BEND3: variants seen among roughly 807,000 people sequenced by gnomAD.
BEND3 encodes BEN domain containing 3.
A neutral mutation model predicts 60.1 loss-of-function variants in BEND3; 13 were observed. The observed-to-expected ratio is 0.22, with a 90% CI of 0.14 to 0.34. The LOEUF is 0.34. Among genes scored for constraint, BEND3 ranks in the 10% least tolerant of loss-of-function variants. BEND3 has a pLI of 1.00. For synonymous variants in BEND3, 497 were observed against 491.5 expected, an observed-to-expected ratio of 1.01 and a Z score of -0.15; for missense variants, 896 against 1,138.1, an observed-to-expected ratio of 0.79 and a Z score of 3.06.
chr6:107,086,379 G>A (rs980051003), intron 3 of BEND3, among the ~76,000 whole-genome samples: 7 of 152,116 alleles, frequency 4.6e-5, no homozygotes, highest in Admixed American at 6.5e-5. Context: ...CACCCCAGGA[G>A]GCCGAGGTGG....
At chr6:107,102,440 G>A (rs1554236856) in intron 1 of BEND3, among the ~76,000 whole-genome samples, 2 of 152,224 alleles carry the variant, frequency 1.3e-5, no homozygotes, top group Admixed American at 1.3e-4. Flanking sequence ...AAGTGATGAA[G>A]GAAGAGCACA....
chr6:107,073,459 A>G (rs948116256), intron 3 of BEND3, among the ~76,000 whole-genome samples: 1 of 151,456 alleles, frequency 6.6e-6, no homozygotes, highest in African/African-American at 2.4e-5. Context: ...AAACTGCATG[A>G]TGGTTGTGCG....
chr6:107,102,295 TG>T (rs1775718735), intron 1 of BEND3, among the ~76,000 whole-genome samples: 1 of 152,192 alleles, frequency 6.6e-6, no homozygotes, highest in African/African-American at 2.4e-5. Flanking sequence ...GAATGTGGCT[TG>T]GTGAGCAGAA....
At position 107,068,502 on chromosome 6, in the gene BEND3, G is replaced by C. The variant is rs570060849; in HGVS notation, c.*202C>G. 6 of 613,098 alleles carry C rather than the reference G, an allele frequency of 9.8e-6. No homozygotes were observed. The African/African-American group carries it at 1.1e-4, about 11-fold the overall frequency. 38.0% of individuals were successfully genotyped at this position (613,098 alleles called of 1,614,324 possible). ...CGCCGGGGCACATAGGACAGAAGTT[G>C]TAAGTACAAGAGACCAAACTCAAGG... On this transcript the variant is annotated 3_prime_UTR_variant, in exon 4 of 4. Coordinates refer to ENST00000369042, the MANE Select transcript of BEND3 (RefSeq NM_001367314.1). The surrounding 1 kb of genome is among the most constrained non-coding windows in gnomAD (Gnocchi z 5.8).
At chr6:107,109,442 CA>C (rs55745315) in intron 1 of BEND3, among the ~76,000 whole-genome samples, 13 of 48,712 alleles carry the variant, frequency 2.7e-4, no homozygotes, top group East Asian at 8.3e-4. Context: ...GACTCTGTCT[CA>C]AAAAAAAAAA....
chr6:107,091,581 G>C (rs1002469442), intron 3 of BEND3, among the ~76,000 whole-genome samples: 1 of 152,108 alleles, frequency 6.6e-6, no homozygotes, highest in Non-Finnish European at 1.5e-5. Context: ...TTCCTTAAAA[G>C]ACACAATCTT....
At chr6:107,090,184 A>G (rs1241105595) in intron 3 of BEND3, among the ~76,000 whole-genome samples, 4 of 152,060 alleles carry the variant, frequency 2.6e-5, no homozygotes, top group Non-Finnish European at 4.4e-5. Context: ...CCCTGTCTCT[A>G]CTAAAAATAC....
At chr6:107,086,485 T>G (rs1029964621) in intron 3 of BEND3, among the ~76,000 whole-genome samples, 2 of 151,158 alleles carry the variant, frequency 1.3e-5, no homozygotes, top group African/African-American at 4.9e-5. Context: ...CATGGTGGCG[T>G]GCGCCTGTAG....
chr6:107,088,124 C>G (rs1554234585), intron 3 of BEND3, among the ~76,000 whole-genome samples: 1 of 151,904 alleles, frequency 6.6e-6, no homozygotes, highest in Non-Finnish European at 1.5e-5. Flanking sequence ...AATCCTCCTG[C>G]CTCAGCCTCC....
Position 107,069,120 on chromosome 6 carries a change from G to A in BEND3, c.2071C>T (p.Pro691Ser), listed in dbSNP as rs782546683. The change falls in exon 4 of 4, where the codon CCC (proline) becomes TCC (serine). Residue 691 changes from proline (P) to serine (S), a missense_variant. Transcript: ENST00000369042. ...CAAAAGTCCTTGCTGCTCCTCTCGG[G>A]GGGCAGTGGGGGCCCCTCAAACTCC... ...REEFEGPPLP[P>S]ERSSKDFCKI... is the part of the protein sequence containing the mutation. The A allele has an allele frequency of 3.1e-6, 5 of 1,612,790 alleles. No individual in the cohort carries two copies. The South Asian group carries it at 5.5e-5, about 18-fold the overall frequency.
intron 1 of BEND3, among the ~76,000 whole-genome samples, chr6:107,112,159 T>A (rs1338391548): frequency 1.3e-5 from 2 of 152,202 alleles, no homozygotes; most frequent in African/African-American, 4.8e-5. Context: ...ATACAATTCA[T>A]ATAAACATGC....
In BEND3 at chr6:107,070,403, C is replaced by G. The variant is rs781852720; in HGVS notation, c.788G>C (p.Gly263Ala). The G allele has an allele frequency of 4.3e-5, 69 of 1,613,812 alleles. No individual in the cohort carries two copies. Among genetic ancestry groups the G allele is most frequent in the Admixed American group, 1.2e-4 (7 of 60,008 alleles). ...CAGCAAGCGGCAGGCCAGGTCCCCC[C>G]CTGACAGGCTCTGGTCCACGATCTG... ...LKQIVDQSLS[G>A]GDLACRLLVQ... is the part of the protein sequence containing the mutation. The change falls in exon 4 of 4, where the codon GGG (glycine) becomes GCG (alanine). Residue 263 changes from glycine (G) to alanine (A), a missense_variant. Gly to Ala is a moderately conservative substitution (Grantham distance 60). Around this residue, in one of 4 missense-constraint regions of BEND3, gnomAD observed 846 missense variants for 1,036.7 expected, o/e 0.82. Transcript: ENST00000369042. The surrounding 1 kb of genome is among the most constrained non-coding windows in gnomAD (Gnocchi z 6.9).
chr6:107,104,278 A>G (rs1775767577), intron 1 of BEND3, among the ~76,000 whole-genome samples: 1 of 132,578 alleles, frequency 7.5e-6, no homozygotes, highest in Non-Finnish European at 1.6e-5. Flanking sequence ...CGACAGAGCG[A>G]GACTCCGTCT....
chr6:107,078,047 T>C (rs1178617423), intron 3 of BEND3, among the ~76,000 whole-genome samples: 2 of 152,222 alleles, frequency 1.3e-5, no homozygotes, highest in African/African-American at 2.4e-5. Context: ...ACTTTGGCTA[T>C]GCACCTCCCA....
At chr6:107,101,359 G>C (rs1775698488) in intron 1 of BEND3, among the ~76,000 whole-genome samples, 1 of 152,154 alleles carries the variant, frequency 6.6e-6, no homozygotes, top group Admixed American at 6.6e-5. Context: ...GTGTGTCTGG[G>C]TGATCCATGA....
At chr6:107,085,781 G>A (rs375379463) in intron 3 of BEND3, among the ~76,000 whole-genome samples, 15 of 135,988 alleles carry the variant, frequency 1.1e-4, no homozygotes, top group African/African-American at 3.7e-4. Context: ...GTGAGCCACC[G>A]CACCTGGCCT....
At chr6:107,087,285 C>T (rs311219) in intron 3 of BEND3, among the ~76,000 whole-genome samples, 1 of 151,506 alleles carries the variant, frequency 6.6e-6, no homozygotes, top group African/African-American at 2.4e-5. Flanking sequence ...CGCCTCTGCA[C>T]TCCAGCCTGG....
Position 107,089,980 on chromosome 6 carries a change from G to C in BEND3, c.240+8571C>G, listed in dbSNP as rs567252786. Among the ~76,000 whole-genome samples the C allele has an allele frequency of 3.3e-5, 5 of 151,964 alleles. No individual in the cohort carries two copies. The South Asian group carries it at 1.0e-3, about 32-fold the overall frequency. On this transcript the variant is annotated intron_variant, in intron 3 of 3. Coordinates refer to ENST00000369042, the MANE Select transcript of BEND3 (RefSeq NM_001367314.1). The stretch of plus-strand genomic sequence containing the variant: ...GAAAAAATAATCCTAAAATGTATAC[G>C]GAACCACCAAAGAGCCAGAATATCC...
At position 107,069,720 on chromosome 6, in the gene BEND3, C is replaced by T; in HGVS notation, c.1471G>A (p.Gly491Ser). Residue 491 changes from glycine to serine, a missense_variant, in exon 4 of 4, where the codon GGC becomes AGC. This residue lies in a region of BEND3 where 846 missense variants were observed against 1,036.7 expected (regional missense o/e 0.82). Coordinates refer to ENST00000369042, the MANE Select transcript of BEND3 (RefSeq NM_001367314.1). ...TAGCAGTCATCACGCGGGGGGTCGC[C>T]TTCACTGCCCGCGTCCAGCCCCAGG... Reference protein sequence around the residue: ...EGLGLDAGSEGDPPRDDCYDS... With the variant: ...EGLGLDAGSESDPPRDDCYDS... The T allele has an allele frequency of 6.2e-7, 1 of 1,611,132 alleles. No individual in the cohort carries two copies. The highest frequency in any genetic ancestry group is 8.5e-7 in the Non-Finnish European group (1 of 1,180,006).
Sources: allele counts gnomAD v4.1 joint callset (sites outside exome capture counted in the v4.1 genomes callset), GRCh38; gene constraint gnomAD v4.1.1; regional missense constraint gnomAD v4.1.1; non-coding constraint Gnocchi (gnomAD v3.1); transcripts MANE v1.5; gene names NCBI Gene and HGNC (gene_info 2026-07-23, HGNC 2026-07-21).